Variants in KCNAB1 observed in about 807,000 individuals in gnomAD.
KCNAB1 encodes the protein potassium voltage-gated channel subfamily A regulatory beta subunit 1.
Under a neutral mutation model 64.6 loss-of-function variants are expected in KCNAB1, and 35 were observed. The ratio of observed to expected loss-of-function variants is 0.54; its 90% CI spans 0.41 to 0.72. The LOEUF is 0.72. Among genes scored for constraint, KCNAB1 ranks in the 30% least tolerant of loss-of-function variants. The probability of loss-of-function intolerance (pLI) is 0.00; values close to 1 mark genes in which losing one functional copy is unlikely to be tolerated. For synonymous variants in KCNAB1, 177 were observed against 183.8 expected (o/e 0.96, Z 0.30); for missense variants, 401 against 512.9 (o/e 0.78, Z 2.11).
intron 1 of KCNAB1, among the ~76,000 whole-genome samples, chr3:156,192,660 C>T (rs1046542263): frequency 2.0e-5 from 3 of 151,888 alleles, no homozygotes; most frequent in South Asian, 2.1e-4. Context: ...GCATTTTTGA[C>T]GTTCTGTTAT....
intron 1 of KCNAB1, among the ~76,000 whole-genome samples, chr3:156,180,823 G>A (rs530551455): frequency 2.8e-4 from 42 of 152,308 alleles, no homozygotes; most frequent in Admixed American, 4.6e-4. Context: ...AATGTCACAT[G>A]AAGAAGGTGG....
At chr3:156,414,673 T>G (rs983351995) in intron 1 of KCNAB1, among the ~76,000 whole-genome samples, 1 of 152,228 alleles carries the variant, frequency 6.6e-6, no homozygotes, top group Non-Finnish European at 1.5e-5. Context: ...AGTTTATGTA[T>G]CCGCAGATTA....
intron 7 of KCNAB1, among the ~76,000 whole-genome samples, chr3:156,467,279 T>C (rs76751837): frequency 0.029 from 4,345 of 152,186 alleles, 118 homozygotes; most frequent in East Asian, 0.12. Flanking sequence ...ATCATAAAGT[T>C]GAAAAACCAT....
At chr3:156,431,944 T>TCA (rs1268334144) in intron 2 of KCNAB1, among the ~76,000 whole-genome samples, 1 of 152,214 alleles carries the variant, frequency 6.6e-6, no homozygotes, top group African/African-American at 2.4e-5. Flanking sequence ...GAGCCAATCA[T>TCA]CAAAGACTTC....
chr3:156,487,061 T>C (rs1001852467), intron 8 of KCNAB1, among the ~76,000 whole-genome samples: 20 of 152,192 alleles, frequency 1.3e-4, no homozygotes, highest in Non-Finnish European at 2.5e-4. Flanking sequence ...TACCTAAGTT[T>C]AAATCTGACT....
At chr3:156,336,953 G>A (rs553355868) in intron 1 of KCNAB1, among the ~76,000 whole-genome samples, 1 of 152,340 alleles carries the variant, frequency 6.6e-6, no homozygotes, top group Non-Finnish European at 1.5e-5. Flanking sequence ...GCAAGGACTA[G>A]ACATAAGACC....
intron 1 of KCNAB1, among the ~76,000 whole-genome samples, chr3:156,249,289 G>T (rs1039780830): frequency 3.3e-5 from 5 of 152,066 alleles, no homozygotes; most frequent in African/African-American, 1.2e-4. Flanking sequence ...CAGGCTGGGC[G>T]CAGTGGCTCA....
chr3:156,342,585 C>CTTTTTTTTTTTTTTT (rs60982892), intron 1 of KCNAB1, among the ~76,000 whole-genome samples: 5 of 86,246 alleles, frequency 5.8e-5, no homozygotes, highest in Admixed American at 1.3e-4. Flanking sequence ...CTATGTGTTT[C>CTTTTTTTTTTTTTTT]TTTTTTTTTT....
At chr3:156,519,563 G>A (rs13092077) in intron 11 of KCNAB1, among the ~76,000 whole-genome samples, 53,356 of 151,902 alleles carry the variant, frequency 0.35, 9,778 homozygotes, top group African/African-American at 0.44. Flanking sequence ...CTTCTTACAG[G>A]GTCTTCTAAT....
chr3:156,153,214 G>A (rs926236945), intron 1 of KCNAB1, among the ~76,000 whole-genome samples: 1 of 152,150 alleles, frequency 6.6e-6, no homozygotes, highest in African/African-American at 2.4e-5. Context: ...TCTCCCCAGC[G>A]CTCACTTCCT....
At chr3:156,352,205 G>A (rs1292772407) in intron 1 of KCNAB1, among the ~76,000 whole-genome samples, 1 of 152,196 alleles carries the variant, frequency 6.6e-6, no homozygotes, top group Non-Finnish European at 1.5e-5. Context: ...TCTCCTGTGG[G>A]CTCCTCCCGG....
intron 1 of KCNAB1, among the ~76,000 whole-genome samples, chr3:156,303,551 G>C (rs750897690): frequency 2.0e-5 from 3 of 152,138 alleles, no homozygotes; most frequent in Non-Finnish European, 2.9e-5. Context: ...CTGACCTATA[G>C]TCTGGGAAGC....
At chr3:156,397,422 A>G (rs201992830) in intron 1 of KCNAB1, among the ~76,000 whole-genome samples, 1 of 152,218 alleles carries the variant, frequency 6.6e-6, no homozygotes, top group Non-Finnish European at 1.5e-5. Context: ...AACCGTCTGC[A>G]CATTTAGTAT....
chr3:156,360,706 T>C (rs1725548036), intron 1 of KCNAB1, among the ~76,000 whole-genome samples: 1 of 151,232 alleles, frequency 6.6e-6, no homozygotes, highest in African/African-American at 2.4e-5. Context: ...AGAGCAAGAC[T>C]CTGTTTCTCT....
intron 1 of KCNAB1, among the ~76,000 whole-genome samples, chr3:156,124,022 C>T (rs1294195068): frequency 6.6e-6 from 1 of 152,022 alleles, no homozygotes; most frequent in African/African-American, 2.4e-5. Flanking sequence ...CTTAATATTA[C>T]ACCAATCTAT....
At chr3:156,344,722 A>AT (rs1380380412) in intron 1 of KCNAB1, among the ~76,000 whole-genome samples, 8 of 152,168 alleles carry the variant, frequency 5.3e-5, no homozygotes, top group South Asian at 2.1e-4. Flanking sequence ...TAGCGAAGAG[A>AT]TTTTTTTAAA....
At chr3:156,132,482 A>G (rs1714057839) in intron 1 of KCNAB1, among the ~76,000 whole-genome samples, 3 of 152,154 alleles carry the variant, frequency 2.0e-5, no homozygotes, top group African/African-American at 7.2e-5. Flanking sequence ...GGCTCTTGGC[A>G]GCTCATGTGT....
chr3:156,256,092 T>C (rs1359043324), intron 1 of KCNAB1, among the ~76,000 whole-genome samples: 2 of 152,250 alleles, frequency 1.3e-5, no homozygotes, highest in Admixed American at 6.5e-5. Context: ...GCAGCCATAG[T>C]TTGACTGCAG....
At chr3:156,353,548 G>A (rs1351750631) in intron 1 of KCNAB1, among the ~76,000 whole-genome samples, 1 of 152,250 alleles carries the variant, frequency 6.6e-6, no homozygotes. Context: ...TGGCTTAGCT[G>A]GGTCCTCTGG....
Sources: gnomAD v4.1 joint callset for allele counts (sites outside exome capture counted in the v4.1 genomes callset) on GRCh38, gnomAD v4.1.1 for gene constraint, MANE v1.5 for transcripts, NCBI Gene and HGNC (gene_info 2026-07-23, HGNC 2026-07-21) for gene names.